Variants in ERGIC1 observed in about 807,000 individuals in gnomAD.
ERGIC1 encodes endoplasmic reticulum-Golgi intermediate compartment protein 1.
Under a neutral mutation model 38.3 loss-of-function variants are expected in ERGIC1, and 19 were observed. That is an observed-to-expected ratio of 0.50 (90% confidence interval 0.35 to 0.73). ERGIC1 has a LOEUF of 0.73. ERGIC1 is among the 30% of genes least tolerant of loss of function. The pLI is 0.01. For synonymous variants in ERGIC1, 124 were observed against 157.6 expected, an observed-to-expected ratio of 0.79 and a Z score of 1.60; for missense variants, 294 against 389.2, an observed-to-expected ratio of 0.76 and a Z score of 2.06.
At chr5:172,882,249 G>C (rs1221246740) in intron 1 of ERGIC1, among the ~76,000 whole-genome samples, 3 of 152,196 alleles carry the variant, frequency 2.0e-5, no homozygotes, top group African/African-American at 7.2e-5. Context: ...CAGCTTCATG[G>C]GGTGGTGTCT....
intron 1 of ERGIC1, among the ~76,000 whole-genome samples, chr5:172,861,386 T>C (rs916019060): frequency 1.1e-4 from 17 of 152,150 alleles, no homozygotes; most frequent in African/African-American, 3.6e-4. Flanking sequence ...CAGTCCCATC[T>C]CCCTTTGGCT....
intron 7 of ERGIC1, among the ~76,000 whole-genome samples, chr5:172,930,899 G>A (rs1354277325): frequency 6.6e-6 from 1 of 152,162 alleles, no homozygotes; most frequent in African/African-American, 2.4e-5. Context: ...CCATTACAGG[G>A]TTGAACAGAG....
intron 1 of ERGIC1, among the ~76,000 whole-genome samples, chr5:172,883,680 C>T (rs1030875978): frequency 2.6e-5 from 4 of 152,176 alleles, no homozygotes; most frequent in Non-Finnish European, 5.9e-5. Flanking sequence ...ACTGTCTTCA[C>T]CTGGTTAAGA....
At chr5:172,893,724 G>T (rs1762625854) in intron 2 of ERGIC1, among the ~76,000 whole-genome samples, 1 of 151,190 alleles carries the variant, frequency 6.6e-6, no homozygotes. Flanking sequence ...AAAACAATTT[G>T]AAATTTATCT....
At chr5:172,840,090 T>C (rs1761124030) in intron 1 of ERGIC1, among the ~76,000 whole-genome samples, 1 of 152,244 alleles carries the variant, frequency 6.6e-6, no homozygotes, top group Non-Finnish European at 1.5e-5. Context: ...TACCTGATTC[T>C]GAAATGGTCT....
At chr5:172,885,530 C>T (rs928972032) in intron 1 of ERGIC1, among the ~76,000 whole-genome samples, 7 of 152,098 alleles carry the variant, frequency 4.6e-5, no homozygotes, top group African/African-American at 7.2e-5. Context: ...CCTGGGGTAT[C>T]GAGCCCCAGG....
intron 8 of ERGIC1, chr5:172,934,541 TCACA>T: frequency 6.5e-6 from 1 of 153,672 alleles, no homozygotes; most frequent in Non-Finnish European, 1.4e-5. Context: ...TTTACACCCA[TCACA>T]CACACACACA....
intron 5 of ERGIC1, among the ~76,000 whole-genome samples, chr5:172,923,596 A>G (rs965718216): frequency 1.3e-5 from 2 of 152,128 alleles, no homozygotes; most frequent in Non-Finnish European, 2.9e-5. Context: ...GTAGGAAATG[A>G]TAGGGGTTTG....
intron 3 of ERGIC1, among the ~76,000 whole-genome samples, chr5:172,904,440 A>C (rs1482817333): frequency 2.0e-5 from 3 of 152,220 alleles, no homozygotes; most frequent in Non-Finnish European, 2.9e-5. Context: ...AGAGAGGTGA[A>C]GCAGTGTGTC....
intron 1 of ERGIC1, among the ~76,000 whole-genome samples, chr5:172,872,747 G>A (rs935852769): frequency 1.3e-5 from 2 of 152,106 alleles, no homozygotes; most frequent in Non-Finnish European, 2.9e-5. Context: ...CCCGGGATGG[G>A]GAGCTTGCAG....
intron 1 of ERGIC1, among the ~76,000 whole-genome samples, chr5:172,839,015 C>T (rs978218974): frequency 1.3e-5 from 2 of 150,698 alleles, no homozygotes; most frequent in Admixed American, 6.6e-5. Context: ...CTGAGGTGGG[C>T]GGATTACCTG....
chr5:172,887,617 C>T (rs564967742), intron 1 of ERGIC1, among the ~76,000 whole-genome samples: 22 of 152,272 alleles, frequency 1.4e-4, no homozygotes, highest in Admixed American at 1.1e-3. Context: ...ATAGCTGAAG[C>T]AGAGCCAGAA....
chr5:172,857,460 C>T (rs1403673695), intron 1 of ERGIC1, among the ~76,000 whole-genome samples: 3 of 152,142 alleles, frequency 2.0e-5, no homozygotes, highest in African/African-American at 7.2e-5. Flanking sequence ...CTGGGACTCA[C>T]TGCCTTGTGT....
intron 5 of ERGIC1, chr5:172,920,446 G>A (rs1436528459): frequency 4.2e-6 from 3 of 717,764 alleles, no homozygotes; most frequent in Middle Eastern, 2.3e-4. Context: ...CGGTGACCTC[G>A]TTTCATCAGC....
At chr5:172,910,631 T>C (rs1399372335) in intron 4 of ERGIC1, among the ~76,000 whole-genome samples, 1 of 151,652 alleles carries the variant, frequency 6.6e-6, no homozygotes, top group Non-Finnish European at 1.5e-5. Context: ...TTCAAGCGAT[T>C]CTTCTGCCTC....
chr5:172,895,837 CTGTG>C (rs1762709482), intron 2 of ERGIC1, among the ~76,000 whole-genome samples: 1 of 152,026 alleles, frequency 6.6e-6, no homozygotes, highest in Non-Finnish European at 1.5e-5. Context: ...ATGCAGCTCT[CTGTG>C]GGTGGGTGGT....
chr5:172,870,576 C>A (rs930614252), intron 1 of ERGIC1, among the ~76,000 whole-genome samples: 28 of 152,228 alleles, frequency 1.8e-4, no homozygotes, highest in Admixed American at 1.8e-3. Flanking sequence ...TGTTTCCTCT[C>A]TATGAATCAT....
At chr5:172,942,794 G>T (rs529671618) in intron 9 of ERGIC1, among the ~76,000 whole-genome samples, 12 of 152,210 alleles carry the variant, frequency 7.9e-5, no homozygotes, top group African/African-American at 2.9e-4. Context: ...GTGAGACCGA[G>T]TGGGCTCCAT....
chr5:172,900,703 C>T (rs1762848946), intron 3 of ERGIC1, among the ~76,000 whole-genome samples: 1 of 146,212 alleles, frequency 6.8e-6, no homozygotes, highest in Non-Finnish European at 1.5e-5. Context: ...GAGCGAGACC[C>T]TATCTCAAAA....
Sources: allele counts gnomAD v4.1 joint callset (sites outside exome capture counted in the v4.1 genomes callset), GRCh38; gene constraint gnomAD v4.1.1; transcripts MANE v1.5; gene names NCBI Gene and HGNC (gene_info 2026-07-23, HGNC 2026-07-21).